Variants in OR2L2 observed in about 807,000 individuals in gnomAD.
OR2L2 encodes olfactory receptor 2L2.
For missense variants in OR2L2, 378 were observed against 375.2 expected (o/e 1.01, Z -0.06); for synonymous variants, 156 against 135.4 (o/e 1.15, Z -1.06).
chr1:248,037,425 C>T (rs141028572), intron 2 of OR2L2, among the ~76,000 whole-genome samples: 3 of 152,166 alleles, frequency 2.0e-5, no homozygotes, highest in South Asian at 2.1e-4. Context: ...CCTTCCCATG[C>T]GTATGTTTTA....
At chr1:248,031,976 A>G (rs1572685368) in intron 1 of OR2L2, among the ~76,000 whole-genome samples, 2 of 152,278 alleles carry the variant, frequency 1.3e-5, no homozygotes, top group East Asian at 3.9e-4. Flanking sequence ...ACTGCCCTAT[A>G]TAAAATACAA....
At chr1:248,030,745 G>A (rs184439385) in intron 1 of OR2L2, among the ~76,000 whole-genome samples, 4 of 152,114 alleles carry the variant, frequency 2.6e-5, no homozygotes, top group Non-Finnish European at 5.9e-5. Context: ...CTAAGATGTC[G>A]GTGGTGATGT....
At position 248,039,586 on chromosome 1, in the gene OR2L2, T is replaced by A; in HGVS notation, c.*380T>A. The A allele has an allele frequency of 6.3e-6, 1 of 158,038 alleles. No individual in the cohort carries two copies. The highest frequency in any genetic ancestry group is 1.4e-5 in the Non-Finnish European group (1 of 73,258). The allele number at this position is 158,038 out of a possible 1,614,324, so 9.8% of individuals were successfully genotyped here. ...CAGGTGTGAGCCACCATGCCCTGCC[T>A]GTTTTTTTTTTAATCAAATATAGGT... On this transcript the variant is annotated 3_prime_UTR_variant, in exon 3 of 3. Transcript: ENST00000641771.
chr1:248,039,290 C>T lies in OR2L2; in HGVS notation c.*84C>T, dbSNP rs544825614. On this transcript the variant is annotated 3_prime_UTR_variant, in exon 3 of 3. Coordinates refer to ENST00000641771, the MANE Select transcript of OR2L2 (RefSeq NM_001385855.1). Reference sequence around the variant, plus strand: ...CAGTGAAGAAAAACATTATTACATGCCCAGTGTGTCAAACAGAAGTTAATC... The same window carrying T: ...CAGTGAAGAAAAACATTATTACATGTCCAGTGTGTCAAACAGAAGTTAATC... 4.7e-5 allele frequency: 60 copies of T among 1,269,476 alleles called. No individual in the cohort carries two copies. Among genetic ancestry groups the T allele is most frequent in the Admixed American group, 1.4e-4 (6 of 43,180 alleles). 78.6% of individuals were successfully genotyped at this position (1,269,476 alleles called of 1,614,324 possible).
intron 1 of OR2L2, among the ~76,000 whole-genome samples, chr1:248,033,200 T>C (rs1044209014): frequency 1.3e-5 from 2 of 152,210 alleles, no homozygotes; most frequent in Non-Finnish European, 2.9e-5. Flanking sequence ...GACTATACTT[T>C]TATGGTTTTA....
intron 2 of OR2L2, among the ~76,000 whole-genome samples, chr1:248,037,936 C>T (rs76210650): frequency 0.042 from 6,397 of 152,156 alleles, 438 homozygotes; most frequent in African/African-American, 0.15. Context: ...AGCATTTTGT[C>T]ATCACAAGAA....
Position 248,039,393 on chromosome 1 carries a change from G to C in OR2L2, c.*187G>C, listed in dbSNP as rs1487739857. On this transcript the variant is annotated 3_prime_UTR_variant, in exon 3 of 3. Coordinates refer to ENST00000641771, the MANE Select transcript of OR2L2 (RefSeq NM_001385855.1). ...ATACATATTCTAAGACATCTATTTTGATTTTGTTTGTGTGTGGTTTTTGTT... is the reference window on the plus strand; with the variant it reads ...ATACATATTCTAAGACATCTATTTTCATTTTGTTTGTGTGTGGTTTTTGTT... 9.2e-5 allele frequency: 38 copies of C among 414,480 alleles called. No homozygotes were observed. The East Asian group carries it at 2.1e-3, about 23-fold the overall frequency. The allele number at this position is 414,480 out of a possible 1,614,324, so 25.7% of individuals were successfully genotyped here.
intron 2 of OR2L2, among the ~76,000 whole-genome samples, chr1:248,037,779 G>A (rs1037378908): frequency 2.0e-5 from 3 of 152,010 alleles, no homozygotes; most frequent in Non-Finnish European, 2.9e-5. Flanking sequence ...AATCAAATGC[G>A]GTCTGAAAAT....
chr1:248,035,050 CT>C (rs74814875), intron 1 of OR2L2, among the ~76,000 whole-genome samples: 2,846 of 140,656 alleles, frequency 0.02, 55 homozygotes, highest in African/African-American at 0.059. Flanking sequence ...TTATCTTTCC[CT>C]TTTTTTTTTT....
chr1:248,035,188 T>A (rs1662723619), intron 1 of OR2L2, among the ~76,000 whole-genome samples: 1 of 152,030 alleles, frequency 6.6e-6, no homozygotes, highest in Non-Finnish European at 1.5e-5. Flanking sequence ...CGGTGGCTCA[T>A]GCCTGTAATC....
chr1:248,033,345 A>T (rs1662670274), intron 1 of OR2L2, among the ~76,000 whole-genome samples: 1 of 152,148 alleles, frequency 6.6e-6, no homozygotes. Flanking sequence ...TGTCCCTTCC[A>T]CATTGAGTAA....
intron 1 of OR2L2, among the ~76,000 whole-genome samples, chr1:248,031,422 A>G (rs751405139): frequency 2.0e-5 from 3 of 152,350 alleles, no homozygotes; most frequent in Middle Eastern, 6.8e-3. Context: ...TTTTTCTTCC[A>G]AGCTTAGCTG....
At chr1:248,032,755 A>G (rs1183232911) in intron 1 of OR2L2, among the ~76,000 whole-genome samples, 1 of 152,102 alleles carries the variant, frequency 6.6e-6, no homozygotes, top group African/African-American at 2.4e-5. Context: ...TTCTCTGTGG[A>G]TGGACACTTA....
In OR2L2 at chr1:248,039,117, C is replaced by T. The variant is rs1191880318; in HGVS notation, c.850C>T (p.Leu284Phe). The change falls in exon 3 of 3, where the codon CTC becomes TTC. Residue 284 changes from leucine to phenylalanine, a missense_variant. Transcript: ENST00000641771. ...TTTCTACACCATCCTCACCCCAATG[C>T]TCAACCCCATCATCTACAGCCTGAG... is the stretch of plus-strand genomic sequence containing the variant. ...AVFYTILTPM[L>F]NPIIYSLRNK... 2 of 1,614,134 alleles carry T rather than the reference C, an allele frequency of 1.2e-6. No individual in the cohort carries two copies. Among genetic ancestry groups the T allele is most frequent in the Non-Finnish European group, 8.5e-7 (1 of 1,180,008 alleles).
rs2103099735 is a variant in OR2L2, at chr1:248,040,974, T to C, written c.*1768T>C. ...AGTACTGAATAATTTAAATTTTGAC[T>C]TATAGAATGGCAAATGTTTATGACT... On this transcript the variant is annotated 3_prime_UTR_variant, in exon 3 of 3. Transcript: ENST00000641771. 1 of 152,308 alleles carries C rather than the reference T, an allele frequency of 6.6e-6. No homozygotes were observed. Among genetic ancestry groups the C allele is most frequent in the South Asian group, 2.1e-4 (1 of 4,828 alleles). 9.4% of individuals were successfully genotyped at this position (152,308 alleles called of 1,614,324 possible).
intron 2 of OR2L2, among the ~76,000 whole-genome samples, chr1:248,036,615 G>A (rs1662770765): frequency 6.6e-6 from 1 of 152,022 alleles, no homozygotes; most frequent in African/African-American, 2.4e-5. Flanking sequence ...AAGGTCGGCT[G>A]ACCTTTGGCT....
chr1:248,031,028 C>A (rs375103688), intron 1 of OR2L2, among the ~76,000 whole-genome samples: 88 of 152,140 alleles, frequency 5.8e-4, no homozygotes, highest in Middle Eastern at 6.8e-3. Context: ...AAAATGAAAG[C>A]AAGTAGAAAT....
Position 248,038,583 on chromosome 1 carries a change from T to G in OR2L2, c.316T>G (p.Leu106Val), listed in dbSNP as rs751529180. The G allele has an allele frequency of 1.9e-6, 3 of 1,614,090 alleles. No homozygotes were observed. Among genetic ancestry groups the G allele is most frequent in the Non-Finnish European group, 2.5e-6 (3 of 1,180,030 alleles). ...CGIQSFFFLT[L>V]AVAEGLLLTS... ...GATTCAGAGTTTCTTCTTCTTGACTTTAGCAGTTGCAGAAGGGCTGCTCCT... is the reference window on the plus strand; with the variant it reads ...GATTCAGAGTTTCTTCTTCTTGACTGTAGCAGTTGCAGAAGGGCTGCTCCT... The change falls in exon 3 of 3, where the codon TTA becomes GTA. Residue 106 changes from leucine to valine, a missense_variant. Leu to Val is a conservative substitution (Grantham distance 32, BLOSUM62 1). Coordinates refer to ENST00000641771, the MANE Select transcript of OR2L2 (RefSeq NM_001385855.1).
rs1337961964 is a variant in OR2L2, at chr1:248,040,632, T to C, written c.*1426T>C. The C allele has an allele frequency of 6.6e-6, 1 of 152,228 alleles. No homozygotes were observed. Among genetic ancestry groups the C allele is most frequent in the Admixed American group, 6.5e-5 (1 of 15,278 alleles). The allele number at this position is 152,228 out of a possible 1,614,324, so 9.4% of individuals were successfully genotyped here. The stretch of plus-strand genomic sequence containing the variant: ...TCTGATGATTTTCTCAATAAGATAT[T>C]CTTTTTTAGCTCACTTTACTGTAAG... On this transcript the variant is annotated 3_prime_UTR_variant, in exon 3 of 3. Transcript: ENST00000641771.
Sources: gnomAD v4.1 joint callset for allele counts (sites outside exome capture counted in the v4.1 genomes callset) on GRCh38, gnomAD v4.1.1 for gene constraint, MANE v1.5 for transcripts, NCBI Gene and HGNC (gene_info 2026-07-23, HGNC 2026-07-21) for gene names.